Variants in CDH19 observed in about 807,000 individuals in gnomAD.
CDH19 encodes cadherin-19.
CDH19 carries 67 observed loss-of-function variants against 64.2 expected under a neutral mutation model. The observed-to-expected ratio is 1.04, with a 90% CI of 0.86 to 1.28. The LOEUF (loss-of-function observed/expected upper bound fraction) is 1.28, where lower values mean the gene tolerates loss of function less well. Ranked by LOEUF, CDH19 falls within the 50% of genes most tolerant of loss-of-function variation. The pLI is 0.00. For missense variants in CDH19, 1,030 were observed against 929.0 expected (o/e 1.11, Z -1.41); for synonymous variants, 346 against 319.3 (o/e 1.08, Z -0.89).
intron 4 of CDH19, 80 bp downstream of exon 4, chr18:66,554,323 CAT>C (rs1258783643): frequency 4.2e-6 from 6 of 1,412,292 alleles, no homozygotes; most frequent in Non-Finnish European, 4.9e-6. Context: ...TACTGTAAAA[CAT>C]GTTTCTAAGC....
intron 5 of CDH19, among the ~76,000 whole-genome samples, chr18:66,546,550 A>T (rs1987125021): frequency 6.6e-6 from 1 of 152,172 alleles, no homozygotes; most frequent in Non-Finnish European, 1.5e-5. Context: ...TATTTTATTG[A>T]ACATAATTTT....
chr18:66,533,713 G>A (rs945495212), intron 8 of CDH19, among the ~76,000 whole-genome samples: 4 of 151,842 alleles, frequency 2.6e-5, no homozygotes, highest in Non-Finnish European at 5.9e-5. Flanking sequence ...TAAGCACAAC[G>A]AACTTCATTT....
chr18:66,587,626 G>A (rs17076458), intron 1 of CDH19, among the ~76,000 whole-genome samples: 18,505 of 152,008 alleles, frequency 0.12, 1,438 homozygotes, highest in Middle Eastern at 0.2. Flanking sequence ...CACCATTTTC[G>A]AACTGAAACA....
chr18:66,540,375 C>T (rs1986841588), intron 7 of CDH19, among the ~76,000 whole-genome samples: 1 of 152,040 alleles, frequency 6.6e-6, no homozygotes, highest in Admixed American at 6.6e-5. Flanking sequence ...GTAAATCATA[C>T]CCATTGATAC....
intron 5 of CDH19, among the ~76,000 whole-genome samples, chr18:66,545,442 C>T (rs1987077278): frequency 6.7e-6 from 1 of 150,004 alleles, no homozygotes; most frequent in South Asian, 2.1e-4. Flanking sequence ...TCTCTGCCCC[C>T]ATATATAGTC....
At chr18:66,506,640 T>G (rs1985212919) in intron 11 of CDH19, among the ~76,000 whole-genome samples, 1 of 151,806 alleles carries the variant, frequency 6.6e-6, no homozygotes, top group Non-Finnish European at 1.5e-5. Flanking sequence ...TTCAGAACAC[T>G]TTTGCTTTAA....
chr18:66,588,641 T>TATATATATATATAC (rs1485058332), intron 1 of CDH19, among the ~76,000 whole-genome samples: 1 of 145,164 alleles, frequency 6.9e-6, no homozygotes, highest in Admixed American at 6.9e-5. Flanking sequence ...TATATATAGA[T>TATATATATATATAC]ACAGCTCAGA....
intron 1 of CDH19, among the ~76,000 whole-genome samples, chr18:66,596,902 G>A (rs1017892495): frequency 2.0e-5 from 3 of 150,172 alleles, no homozygotes; most frequent in African/African-American, 7.3e-5. Flanking sequence ...CTAAAACGGT[G>A]AAACCCCGTC....
At chr18:66,567,900 A>G (rs1987965630) in intron 3 of CDH19, among the ~76,000 whole-genome samples, 1 of 151,862 alleles carries the variant, frequency 6.6e-6, no homozygotes. Context: ...AATATTAACA[A>G]CAACAACACT....
intron 9 of CDH19, among the ~76,000 whole-genome samples, chr18:66,516,135 A>C (rs1011025606): frequency 6.6e-6 from 1 of 151,996 alleles, no homozygotes; most frequent in African/African-American, 2.4e-5. Flanking sequence ...CATCGTGGAC[A>C]TATTAAAGAG....
rs573956141 is a variant in CDH19 at position 66,534,206 on chromosome 18, G to A, written c.1336+780C>T. Among the ~76,000 whole-genome samples, 4 of 151,970 alleles carry A rather than the reference G, an allele frequency of 2.6e-5. No individual in the cohort carries two copies. In the South Asian group the frequency reaches 6.2e-4, roughly 24 times the overall value. Reference sequence around the variant, plus strand: ...GCCTTGACATTTCCTCTGTTACAGCGGGCATTTATTCCATTGTAACATTTG... The same window carrying A: ...GCCTTGACATTTCCTCTGTTACAGCAGGCATTTATTCCATTGTAACATTTG... On this transcript the variant is annotated intron_variant, in intron 8 of 11. Coordinates refer to ENST00000262150, the MANE Select transcript of CDH19 (RefSeq NM_021153.4).
chr18:66,560,743 G>A (rs1017375148), intron 3 of CDH19, among the ~76,000 whole-genome samples: 1 of 151,728 alleles, frequency 6.6e-6, no homozygotes, highest in African/African-American at 2.4e-5. Context: ...GCATATTTAG[G>A]GTGCATTATC....
At chr18:66,540,359 C>CA (rs1284608013) in intron 7 of CDH19, among the ~76,000 whole-genome samples, 1 of 151,948 alleles carries the variant, frequency 6.6e-6, no homozygotes, top group Non-Finnish European at 1.5e-5. Flanking sequence ...CAATAACGTC[C>CA]AAAAAGTAAA....
At chr18:66,561,923 A>G (rs1360847171) in intron 3 of CDH19, among the ~76,000 whole-genome samples, 3 of 152,078 alleles carry the variant, frequency 2.0e-5, no homozygotes, top group Admixed American at 1.3e-4. Context: ...TAAAATATTA[A>G]TTATGTCTTT....
intron 5 of CDH19, among the ~76,000 whole-genome samples, chr18:66,549,172 A>G (rs908005064): frequency 2.0e-5 from 3 of 152,164 alleles, no homozygotes; most frequent in African/African-American, 7.2e-5. Context: ...TTGAGTAATA[A>G]AGATAATTTT....
At chr18:66,555,680 C>G (rs149114619) in intron 3 of CDH19, among the ~76,000 whole-genome samples, 3 of 151,752 alleles carry the variant, frequency 2.0e-5, no homozygotes, top group Admixed American at 1.3e-4. Context: ...AATGTGTAGA[C>G]ACTTACTAGT....
At chr18:66,583,014 A>G (rs1988469666) in intron 1 of CDH19, among the ~76,000 whole-genome samples, 2 of 152,068 alleles carry the variant, frequency 1.3e-5, no homozygotes, top group South Asian at 4.1e-4. Flanking sequence ...CCCCTCCACA[A>G]ACTATCAGAC....
chr18:66,535,044 G>A lies in CDH19; in HGVS notation c.1278C>T (p.Asn426=), dbSNP rs774236604. The change falls in exon 8 of 12, where the codon AAC becomes AAT. Residue 426 remains asparagine (N), a synonymous_variant. Coordinates refer to ENST00000262150, the MANE Select transcript of CDH19 (RefSeq NM_021153.4). ...AAGCACTGATTTCACGATCCAGTGA[G>A]TTACTTGTAGTGATTGTACCATTAT... ...INDNGTITTS[N]SLDREISAWY... is the part of the protein sequence containing the mutation. 5 of 1,518,826 alleles carry A rather than the reference G, an allele frequency of 3.3e-6. No homozygotes were observed. Among genetic ancestry groups the A allele is most frequent in the Non-Finnish European group, 4.5e-6 (5 of 1,116,920 alleles). 94.1% of individuals were successfully genotyped at this position (1,518,826 alleles called of 1,614,324 possible). A position where few individuals can be genotyped will look rare whatever the true frequency, so the allele number is the denominator to read the frequency against.
intron 1 of CDH19, among the ~76,000 whole-genome samples, chr18:66,574,786 C>A (rs1336623905): frequency 6.6e-6 from 1 of 151,654 alleles, no homozygotes; most frequent in Non-Finnish European, 1.5e-5. Flanking sequence ...GAAAGGTAGA[C>A]AACGATATGT....
Sources: gnomAD v4.1 joint callset for allele counts (sites outside exome capture counted in the v4.1 genomes callset) on GRCh38, gnomAD v4.1.1 for gene constraint, MANE v1.5 for transcripts, NCBI Gene and HGNC (gene_info 2026-07-23, HGNC 2026-07-21) for gene names.